Variants in ANKS1B observed in about 807,000 individuals in gnomAD.
ANKS1B encodes ankyrin repeat and sterile alpha motif domain containing 1B, also known as ankyrin repeat and sterile alpha motif domain-containing protein 1B.
Under a neutral mutation model 148.3 loss-of-function variants are expected in ANKS1B, and 36 were observed. The ratio of observed to expected loss-of-function variants is 0.24; its 90% confidence interval spans 0.19 to 0.32. The LOEUF is 0.32. Ranked by LOEUF, ANKS1B falls within the 10% of genes least tolerant of loss-of-function variation. The pLI is 1.00. For missense variants in ANKS1B, 1,157 were observed against 1,542.6 expected, an observed-to-expected ratio of 0.75 and a Z score of 4.19; for synonymous variants, 542 against 560.8, an observed-to-expected ratio of 0.97 and a Z score of 0.47.
At chr12:99,481,533 CT>C (rs2096410656) in intron 10 of ANKS1B, among the ~76,000 whole-genome samples, 2 of 151,918 alleles carry the variant, frequency 1.3e-5, no homozygotes, top group Middle Eastern at 6.8e-3. Context: ...CATATAATGA[CT>C]TCTTTTCCTT....
intron 1 of ANKS1B, among the ~76,000 whole-genome samples, chr12:99,927,748 C>G (rs975183742): frequency 2.0e-5 from 3 of 152,020 alleles, no homozygotes; most frequent in Non-Finnish European, 4.4e-5. Context: ...CACCACTGCA[C>G]TCTAGCCTGG....
intron 8 of ANKS1B, among the ~76,000 whole-genome samples, chr12:99,766,159 C>A (rs2153613421): frequency 6.6e-6 from 1 of 152,234 alleles, no homozygotes; most frequent in African/African-American, 2.4e-5. Context: ...CAGTCTTTGC[C>A]TTTTTATGCA....
chr12:99,732,159 T>C (rs958593360), intron 8 of ANKS1B, among the ~76,000 whole-genome samples: 1 of 152,164 alleles, frequency 6.6e-6, no homozygotes, highest in South Asian at 2.1e-4. Flanking sequence ...ATGATATATA[T>C]AGCAAGGGTA....
rs151284047 is a variant in ANKS1B at position 99,627,805 on chromosome 12, A to G, written c.1272+27262T>C. On this transcript the variant is annotated intron_variant, in intron 9 of 26. Transcript: ENST00000683438. The stretch of plus-strand genomic sequence containing the variant: ...CAGTTATCAAAAAGAAATTCTTTGC[A>G]TGTTAAGAGAAAGGGGGTTATTTCT... 5.7e-3 allele frequency among the ~76,000 whole-genome samples: 864 copies of G among 152,298 alleles called. 10 individuals carry two copies. Among genetic ancestry groups the G allele is most frequent in the African/African-American group, 0.02 (829 of 41,550 alleles).
intron 17 of ANKS1B, among the ~76,000 whole-genome samples, chr12:99,051,479 GA>G (rs1358750154): frequency 2.0e-5 from 3 of 152,164 alleles, no homozygotes; most frequent in African/African-American, 4.8e-5. Flanking sequence ...ACTTAAGTTG[GA>G]AGATTGTTTG....
chr12:99,220,498 C>G (rs764677478), intron 14 of ANKS1B, among the ~76,000 whole-genome samples: 3 of 134,726 alleles, frequency 2.2e-5, no homozygotes, highest in Non-Finnish European at 4.6e-5. Context: ...GTTGCCCAGG[C>G]TGGAGTCCAG....
At chr12:99,898,829 G>GTGA (rs576024840) in intron 1 of ANKS1B, among the ~76,000 whole-genome samples, 154 of 151,930 alleles carry the variant, frequency 1.0e-3, no homozygotes, top group African/African-American at 2.4e-3. Flanking sequence ...TAACAAGATG[G>GTGA]TGATGATGAT....
rs200773469 is a variant in ANKS1B, at chr12:99,358,556, ACT to A, written c.1756+41073_1756+41074del. The stretch of plus-strand genomic sequence containing the variant: ...TTTTCATATTTAGTAGGGTCTTTAA[ACT>A]CTACTACTTTCCATGGATATCTAGA... On this transcript the variant is annotated intron_variant, in intron 12 of 26. Transcript: ENST00000683438. Among the ~76,000 whole-genome samples, 1,257 of 152,120 alleles carry A rather than the reference ACT, an allele frequency of 8.3e-3. 16 individuals carry two copies. The highest frequency in any genetic ancestry group is 0.029 in the African/African-American group (1,211 of 41,524).
chr12:99,448,606 A>G (rs1358713456), intron 10 of ANKS1B, among the ~76,000 whole-genome samples: 3 of 152,172 alleles, frequency 2.0e-5, no homozygotes, highest in Non-Finnish European at 4.4e-5. Flanking sequence ...GTGAGGTAAT[A>G]CATATGCTAA....
At chr12:99,128,825 A>AAGTGGAAT (rs1335570506) in intron 15 of ANKS1B, among the ~76,000 whole-genome samples, 4 of 152,194 alleles carry the variant, frequency 2.6e-5, no homozygotes, top group Non-Finnish European at 5.9e-5. Flanking sequence ...GGCCTAGAAG[A>AAGTGGAAT]AGTGGAATTC....
At chr12:99,416,621 C>T (rs892605618) in intron 11 of ANKS1B, among the ~76,000 whole-genome samples, 1 of 152,166 alleles carries the variant, frequency 6.6e-6, no homozygotes, top group African/African-American at 2.4e-5. Flanking sequence ...TTTTCTTGTG[C>T]TTATTTGCTG....
At chr12:99,168,511 C>T (rs1188316080) in intron 14 of ANKS1B, among the ~76,000 whole-genome samples, 1 of 145,196 alleles carries the variant, frequency 6.9e-6, no homozygotes, top group Non-Finnish European at 1.5e-5. Context: ...AAGAGCAAAA[C>T]TCCATCTCAA....
chr12:98,974,928 TTCC>T (rs1371939521), intron 17 of ANKS1B, among the ~76,000 whole-genome samples: 9 of 141,470 alleles, frequency 6.4e-5, no homozygotes, highest in Admixed American at 2.1e-4. Context: ...CTTCTTCCCT[TTCC>T]TCCTTCTTTC....
chr12:99,546,238 A>G (rs1460945505), intron 9 of ANKS1B, among the ~76,000 whole-genome samples: 1 of 152,208 alleles, frequency 6.6e-6, no homozygotes, highest in Non-Finnish European at 1.5e-5. Context: ...ATACAAATCT[A>G]TCAAATAAAA....
intron 9 of ANKS1B, among the ~76,000 whole-genome samples, chr12:99,649,025 T>G (rs1488841015): frequency 6.6e-6 from 1 of 152,188 alleles, no homozygotes; most frequent in Non-Finnish European, 1.5e-5. Context: ...ACTCTTCATT[T>G]TATATCCACA....
chr12:99,754,678 A>T lies in ANKS1B; in HGVS notation c.1128+18244T>A, dbSNP rs1601479720. Among the ~76,000 whole-genome samples the T allele has an allele frequency of 2.0e-5, 3 of 152,190 alleles. No homozygotes were observed. The South Asian group carries it at 6.2e-4, about 32-fold the overall frequency. ...AGACCACAGTGCAATTAAATTGGAA[A>T]TCAAGACTAAGAAATTCACTCAAAG... On this transcript the variant is annotated intron_variant, in intron 8 of 26. Coordinates refer to ENST00000683438, the MANE Select transcript of ANKS1B (RefSeq NM_001352186.2).
At chr12:99,288,024 C>T (rs1036556587) in intron 12 of ANKS1B, among the ~76,000 whole-genome samples, 4 of 151,914 alleles carry the variant, frequency 2.6e-5, no homozygotes, top group African/African-American at 7.2e-5. Flanking sequence ...AGAAAATTTT[C>T]CAAATCTAAA....
intron 1 of ANKS1B, among the ~76,000 whole-genome samples, chr12:99,907,643 T>C (rs2093833818): frequency 6.6e-6 from 1 of 152,122 alleles, no homozygotes; most frequent in Admixed American, 6.5e-5. Flanking sequence ...AAAAGGTGAA[T>C]GAAAAGTGAT....
In ANKS1B at chr12:99,327,387, T is replaced by C. The variant is rs1437343648; in HGVS notation, c.1756+72244A>G. ...TAATTACATATTATATATAATTATA[T>C]ATTATAATTACATATTATATATAAT... On this transcript the variant is annotated intron_variant, in intron 12 of 26. Transcript: ENST00000683438. Among the ~76,000 whole-genome samples, 33 of 131,942 alleles carry C rather than the reference T, an allele frequency of 2.5e-4. 1 individual carries two copies. The highest frequency in any genetic ancestry group is 2.1e-3 in the Admixed American group (24 of 11,352). 86.6% of individuals were successfully genotyped at this position (131,942 alleles called of 152,430 possible).
Sources: allele counts gnomAD v4.1 joint callset (sites outside exome capture counted in the v4.1 genomes callset), GRCh38; gene constraint gnomAD v4.1.1; transcripts MANE v1.5; gene names NCBI Gene and HGNC (gene_info 2026-07-23, HGNC 2026-07-21).